The following DNAJC6 variants were observed in gnomAD, a reference collection of about 807,000 sequenced individuals.
DNAJC6 encodes the protein auxilin.
Under a neutral mutation model 110.0 loss-of-function variants are expected in DNAJC6, and 34 were observed. The observed-to-expected ratio is 0.31, with a 90% CI of 0.24 to 0.41. DNAJC6 has a LOEUF of 0.41. Ranked by LOEUF, DNAJC6 falls within the 10% of genes least tolerant of loss-of-function variation. DNAJC6 has a pLI of 1.00. For missense variants in DNAJC6, 1,031 were observed against 1,207.8 expected (o/e 0.85, Z 2.17); for synonymous variants, 406 against 437.2 (o/e 0.93, Z 0.89).
intron 1 of DNAJC6, among the ~76,000 whole-genome samples, chr1:65,356,811 C>T (rs1319778265): frequency 2.6e-5 from 4 of 152,012 alleles, no homozygotes; most frequent in African/African-American, 9.7e-5. Flanking sequence ...CAAGGTCACA[C>T]AGCTTTTAAG....
Position 65,379,454 on chromosome 1 carries a change from T to C in DNAJC6, c.596T>C (p.Phe199Ser), listed in dbSNP as rs1224131602. The change falls in exon 5 of 19, where the codon TTT becomes TCT. Residue 199 changes from phenylalanine (F) to serine (S), a missense_variant. Physicochemically the swap from Phe to Ser is radical, Grantham distance 155 (BLOSUM62 -2). Coordinates refer to ENST00000371069, the MANE Select transcript of DNAJC6 (RefSeq NM_001256864.2). Reference sequence around the variant, plus strand: ...CAGGCTCCCAGTCTGCACAACCTTTTTGCTGTGTGTCGGAATATGTATAAC... The same window carrying C: ...CAGGCTCCCAGTCTGCACAACCTTTCTGCTGTGTGTCGGAATATGTATAAC... ...IRQAPSLHNL[F>S]AVCRNMYNWL... 6.2e-7 allele frequency: 1 copy of C among 1,614,052 alleles called. No homozygotes were observed. Among genetic ancestry groups the C allele is most frequent in the African/African-American group, 1.3e-5 (1 of 74,942 alleles).
intron 1 of DNAJC6, among the ~76,000 whole-genome samples, chr1:65,304,138 T>C (rs1026222418): frequency 1.3e-5 from 2 of 152,104 alleles, no homozygotes; most frequent in African/African-American, 4.8e-5. Flanking sequence ...ATGGCAGTTA[T>C]TTTGTTACTA....
chr1:65,323,356 T>C (rs984831808), intron 1 of DNAJC6, among the ~76,000 whole-genome samples: 1 of 152,202 alleles, frequency 6.6e-6, no homozygotes, highest in African/African-American at 2.4e-5. Context: ...TGAGAACTGA[T>C]GGTTTTAAAA....
chr1:65,319,681 A>T (rs1313184345), intron 1 of DNAJC6, among the ~76,000 whole-genome samples: 1 of 152,232 alleles, frequency 6.6e-6, no homozygotes, highest in Admixed American at 6.5e-5. Context: ...TGACCCCAGA[A>T]ATTCTCAGGG....
intron 18 of DNAJC6, among the ~76,000 whole-genome samples, chr1:65,411,651 C>T (rs1402747955): frequency 6.6e-6 from 1 of 151,738 alleles, no homozygotes; most frequent in African/African-American, 2.4e-5. Flanking sequence ...TAAGATTTAC[C>T]CAGTGATTAA....
At chr1:65,371,305 C>T (rs1278693240) in intron 4 of DNAJC6, among the ~76,000 whole-genome samples, 1 of 152,146 alleles carries the variant, frequency 6.6e-6, no homozygotes, top group Non-Finnish European at 1.5e-5. Context: ...CTGGGCAAGT[C>T]ACTTTTACCT....
intron 18 of DNAJC6, among the ~76,000 whole-genome samples, chr1:65,412,129 G>A (rs1646135023): frequency 6.6e-6 from 1 of 152,172 alleles, no homozygotes; most frequent in African/African-American, 2.4e-5. Flanking sequence ...TAAAATTTGT[G>A]AGAATCAATA....
intron 12 of DNAJC6, among the ~76,000 whole-genome samples, chr1:65,393,425 G>T (rs4332387): frequency 1.3e-5 from 2 of 151,978 alleles, no homozygotes; most frequent in African/African-American, 4.8e-5. Flanking sequence ...TCCTATAACG[G>T]CTTCCTGAAG....
upstream of DNAJC6, among the ~76,000 whole-genome samples, chr1:65,308,892 T>TC (rs1347248560): frequency 6.6e-6 from 1 of 151,998 alleles, no homozygotes; most frequent in African/African-American, 2.4e-5. Context: ...GGACGCTGCC[T>TC]CCTAGTATTA....
intron 1 of DNAJC6, among the ~76,000 whole-genome samples, chr1:65,349,015 T>A (rs1645463772): frequency 6.9e-6 from 1 of 145,612 alleles, no homozygotes; most frequent in Admixed American, 7.0e-5. Context: ...TATAAGTATA[T>A]GTGAATACAT....
At chr1:65,338,315 C>T (rs1157274865) in intron 1 of DNAJC6, among the ~76,000 whole-genome samples, 1 of 152,176 alleles carries the variant, frequency 6.6e-6, no homozygotes, top group Admixed American at 6.5e-5. Flanking sequence ...ACAATACCAA[C>T]ACTATCACCA....
At chr1:65,396,722 A>G (rs760302520) in intron 13 of DNAJC6, among the ~76,000 whole-genome samples, 2 of 151,592 alleles carry the variant, frequency 1.3e-5, no homozygotes, top group Non-Finnish European at 2.9e-5. Context: ...TTTTTTTGTC[A>G]TCTCTCTCTC....
chr1:65,289,434 T>C (rs569878857), intron 1 of DNAJC6, among the ~76,000 whole-genome samples: 1 of 152,158 alleles, frequency 6.6e-6, no homozygotes, highest in African/African-American at 2.4e-5. Flanking sequence ...TGACTTCTGA[T>C]CCACCCGCCT....
chr1:65,267,936 G>A (rs754036190), intron 1 of DNAJC6, among the ~76,000 whole-genome samples: 9 of 151,926 alleles, frequency 5.9e-5, no homozygotes, highest in African/African-American at 1.7e-4. Context: ...CAACCAGACC[G>A]TGAGAGCCAT....
At chr1:65,393,606 A>C (rs1218393724) in intron 12 of DNAJC6, among the ~76,000 whole-genome samples, 1 of 151,894 alleles carries the variant, frequency 6.6e-6, no homozygotes, top group African/African-American at 2.4e-5. Flanking sequence ...ATTGCCAGAG[A>C]CTCAAACCTT....
chr1:65,297,563 A>G (rs1644940041), intron 1 of DNAJC6, among the ~76,000 whole-genome samples: 1 of 152,196 alleles, frequency 6.6e-6, no homozygotes, highest in African/African-American at 2.4e-5. Context: ...GACAGATCTG[A>G]CTTAATGACT....
intron 4 of DNAJC6, among the ~76,000 whole-genome samples, chr1:65,374,108 T>C (rs1645736080): frequency 6.6e-6 from 1 of 152,188 alleles, no homozygotes. Context: ...TGGACTTATA[T>C]CTGGGTTCTC....
intron 1 of DNAJC6, among the ~76,000 whole-genome samples, chr1:65,290,159 G>T (rs1218194984): frequency 6.6e-6 from 1 of 152,168 alleles, no homozygotes; most frequent in East Asian, 1.9e-4. Flanking sequence ...AGTTCTGGTG[G>T]CTGGAAAAGT....
Position 65,392,680 on chromosome 1 carries a change from C to G in DNAJC6, c.1718C>G (p.Ala573Gly). ...AGTAACAGCTTCTCTCCGCCAGCGG[C>G]TCCTCCCACCAATTCTGAACTACTG... ...AMSNSFSPPA[A>G]PPTNSELLSD... is the part of the protein sequence containing the mutation. Residue 573 changes from alanine to glycine, a missense_variant, in exon 12 of 19, where the codon GCT becomes GGT. By Grantham distance (60) the Ala-to-Gly change is moderately conservative. Coordinates refer to ENST00000371069, the MANE Select transcript of DNAJC6 (RefSeq NM_001256864.2). The G allele has an allele frequency of 6.2e-7, 1 of 1,612,670 alleles. No individual in the cohort carries two copies. The highest frequency in any genetic ancestry group is 8.5e-7 in the Non-Finnish European group (1 of 1,179,322).
Sources: allele counts gnomAD v4.1 joint callset (sites outside exome capture counted in the v4.1 genomes callset), GRCh38; gene constraint gnomAD v4.1.1; transcripts MANE v1.5; gene names NCBI Gene and HGNC (gene_info 2026-07-23, HGNC 2026-07-21).